Variants in MTUS2 observed in about 807,000 individuals in gnomAD.
The protein encoded by MTUS2 is microtubule-associated tumor suppressor candidate 2.
A neutral mutation model predicts 114.1 loss-of-function variants in MTUS2; 40 were observed. The ratio of observed to expected loss-of-function variants is 0.35; its 90% CI spans 0.27 to 0.46. MTUS2 has a LOEUF of 0.46. Ranked by LOEUF, MTUS2 falls within the 20% of genes least tolerant of loss-of-function variation. MTUS2 has a pLI of 1.00. For synonymous variants in MTUS2, 688 were observed against 672.0 expected (o/e 1.02, Z -0.37); for missense variants, 1,679 against 1,705.4 (o/e 0.98, Z 0.27).
At chr13:28,861,097 T>C (rs553443822) in intron 2 of MTUS2, among the ~76,000 whole-genome samples, 4 of 152,336 alleles carry the variant, frequency 2.6e-5, no homozygotes, top group Non-Finnish European at 4.4e-5. Context: ...ACAGTGTCTC[T>C]GTGGGACCCT....
intron 7 of MTUS2, among the ~76,000 whole-genome samples, chr13:29,342,432 G>C (rs1433345632): frequency 6.6e-6 from 1 of 151,982 alleles, no homozygotes; most frequent in South Asian, 2.1e-4. Flanking sequence ...TGTAAAAGGG[G>C]TTGAGTTCTT....
chr13:29,287,500 A>ATGTGTGTGTGTGTG lies in MTUS2; in HGVS notation c.2806+5643_2806+5644insTGTGTGTGTGTGTG, dbSNP rs11395718. On this transcript the variant is annotated intron_variant, in intron 6 of 15. Transcript: ENST00000612955. ...TCCCTAAAAGCTGACATCACTCTGT[A>ATGTGTGTGTGTGTG]TGTGTGTGGTGTGTGTGTGTAAACA... 8.2e-3 allele frequency among the ~76,000 whole-genome samples: 1,247 copies of ATGTGTGTGTGTGTG among 151,820 alleles called. 15 individuals carry two copies. Among genetic ancestry groups the ATGTGTGTGTGTGTG allele is most frequent in the African/African-American group, 0.021 (878 of 41,390 alleles).
intron 2 of MTUS2, among the ~76,000 whole-genome samples, chr13:28,882,954 A>G (rs1878379053): frequency 6.6e-6 from 1 of 152,218 alleles, no homozygotes; most frequent in Non-Finnish European, 1.5e-5. Flanking sequence ...AAACTCAGTA[A>G]TAAAACAATC....
intron 6 of MTUS2, among the ~76,000 whole-genome samples, chr13:29,311,550 T>G: frequency 6.6e-6 from 1 of 152,204 alleles, no homozygotes; most frequent in East Asian, 1.9e-4. Flanking sequence ...GTGTATTTTT[T>G]GTACTTCTCT....
chr13:29,486,985 A>G (rs754851212), intron 10 of MTUS2, among the ~76,000 whole-genome samples: 2 of 152,208 alleles, frequency 1.3e-5, no homozygotes, highest in Non-Finnish European at 2.9e-5. Flanking sequence ...CCTGGTAGGC[A>G]GGCAGGTGAG....
chr13:29,384,571 T>G (rs1872508856), intron 8 of MTUS2, among the ~76,000 whole-genome samples: 1 of 152,212 alleles, frequency 6.6e-6, no homozygotes, highest in Admixed American at 6.5e-5. Context: ...GCTAAAGGAT[T>G]AAGATAAAGG....
chr13:29,162,885 G>A (rs1265317784), intron 5 of MTUS2, among the ~76,000 whole-genome samples: 1 of 152,216 alleles, frequency 6.6e-6, no homozygotes, highest in Non-Finnish European at 1.5e-5. Context: ...GTGCAGCTGA[G>A]TTTGATCATT....
chr13:28,968,113 A>G (rs545017526), intron 2 of MTUS2, among the ~76,000 whole-genome samples: 2 of 152,342 alleles, frequency 1.3e-5, no homozygotes, highest in African/African-American at 4.8e-5. Flanking sequence ...ATGACTGTAT[A>G]GAAAGTATCT....
At chr13:29,081,157 G>A (rs1418132913) in intron 4 of MTUS2, among the ~76,000 whole-genome samples, 3 of 152,158 alleles carry the variant, frequency 2.0e-5, no homozygotes, top group African/African-American at 4.8e-5. Flanking sequence ...TGAGGTTAGG[G>A]TATAGGGTGG....
At chr13:28,950,874 G>A (rs1012225903) in intron 2 of MTUS2, among the ~76,000 whole-genome samples, 2 of 152,170 alleles carry the variant, frequency 1.3e-5, no homozygotes, top group African/African-American at 4.8e-5. Flanking sequence ...AAATGGCACC[G>A]ATAGACTTGC....
At chr13:29,189,537 T>TAA (rs575429956) in intron 5 of MTUS2, among the ~76,000 whole-genome samples, 58 of 143,156 alleles carry the variant, frequency 4.1e-4, no homozygotes, top group African/African-American at 1.4e-3. Context: ...AAAGGGACAG[T>TAA]AAAAAAAAAA....
chr13:29,367,920 T>C (rs1441461372), intron 8 of MTUS2, among the ~76,000 whole-genome samples: 2 of 150,004 alleles, frequency 1.3e-5, no homozygotes, highest in Non-Finnish European at 3.0e-5. Context: ...GCTTTTCTTT[T>C]TTTTCCTCCT....
chr13:29,255,618 A>G (rs1897262082), intron 5 of MTUS2, among the ~76,000 whole-genome samples: 1 of 151,272 alleles, frequency 6.6e-6, no homozygotes, highest in Admixed American at 6.6e-5. Flanking sequence ...TTGCATTTTG[A>G]GTGGAAGGAG....
At chr13:29,308,813 A>T (rs765117997) in intron 6 of MTUS2, among the ~76,000 whole-genome samples, 7 of 152,240 alleles carry the variant, frequency 4.6e-5, no homozygotes, top group Non-Finnish European at 8.8e-5. Flanking sequence ...ATCACTGATC[A>T]TTAGAGAAAT....
At chr13:29,201,674 C>T (rs1200426150) in intron 5 of MTUS2, among the ~76,000 whole-genome samples, 1 of 152,190 alleles carries the variant, frequency 6.6e-6, no homozygotes, top group African/African-American at 2.4e-5. Flanking sequence ...ATGCTTCCTT[C>T]AGGAGCTCTT....
chr13:29,112,834 A>G (rs1890933783), intron 5 of MTUS2, among the ~76,000 whole-genome samples: 2 of 151,996 alleles, frequency 1.3e-5, no homozygotes, highest in African/African-American at 4.8e-5. Context: ...CAAGGAGGTC[A>G]TATCAGGTCG....
intron 8 of MTUS2, among the ~76,000 whole-genome samples, chr13:29,396,418 T>C (rs1252066064): frequency 1.3e-5 from 2 of 152,258 alleles, no homozygotes; most frequent in African/African-American, 4.8e-5. Flanking sequence ...TTCAGTAATA[T>C]GTGTTGAATA....
chr13:29,034,455 A>G (rs116952187), intron 4 of MTUS2, among the ~76,000 whole-genome samples: 2,453 of 152,276 alleles, frequency 0.016, 35 homozygotes, highest in Non-Finnish European at 0.021. Context: ...GTAGGTCCTA[A>G]GGGGTTAATG....
chr13:28,822,324 A>G (rs544287650), intron 1 of MTUS2, among the ~76,000 whole-genome samples: 1 of 152,302 alleles, frequency 6.6e-6, no homozygotes, highest in East Asian at 1.9e-4. Context: ...TTGACACGGA[A>G]CTAGACTGTT....
Sources: allele counts gnomAD v4.1 joint callset (sites outside exome capture counted in the v4.1 genomes callset), GRCh38; gene constraint gnomAD v4.1.1; transcripts MANE v1.5; gene names NCBI Gene and HGNC (gene_info 2026-07-23, HGNC 2026-07-21).